TAS2R1: variants seen among roughly 807,000 people sequenced by gnomAD.
TAS2R1 encodes taste 2 receptor member 1.
For missense variants in TAS2R1, 370 were observed against 353.4 expected (o/e 1.05, Z -0.38); for synonymous variants, 141 against 134.2 (o/e 1.05, Z -0.35).
chr5:9,653,293 C>T (rs563816770), intron 2 of TAS2R1, among the ~76,000 whole-genome samples: 3 of 152,036 alleles, frequency 2.0e-5, no homozygotes, highest in East Asian at 3.9e-4. Flanking sequence ...TTGTAGCATA[C>T]GTCAGAATTC....
the TAS2R1 span, among the ~76,000 whole-genome samples, chr5:9,871,489 A>G: frequency 6.6e-6 from 1 of 152,196 alleles, no homozygotes; most frequent in East Asian, 1.9e-4. Context: ...TCCAATTGTC[A>G]TCCCTGGACA....
chr5:9,895,529 G>A, the TAS2R1 span, among the ~76,000 whole-genome samples: 2 of 152,228 alleles, frequency 1.3e-5, no homozygotes, highest in Non-Finnish European at 2.9e-5. Context: ...CTGCAGAGGC[G>A]AGGCTTCCTT....
chr5:9,636,528 T>C (rs916436568), intron 2 of TAS2R1, among the ~76,000 whole-genome samples: 2 of 152,028 alleles, frequency 1.3e-5, no homozygotes, highest in African/African-American at 4.8e-5. Flanking sequence ...CTAGTGCTAT[T>C]AGTGGAGTAT....
the TAS2R1 span, among the ~76,000 whole-genome samples, chr5:9,898,112 T>C: frequency 7.9e-5 from 12 of 152,232 alleles, no homozygotes; most frequent in Admixed American, 3.3e-4. Context: ...CTTAGGTTAA[T>C]TAAGTGGGCT....
At chr5:9,781,941 T>C in the TAS2R1 span, among the ~76,000 whole-genome samples, 1 of 152,236 alleles carries the variant, frequency 6.6e-6, no homozygotes, top group Non-Finnish European at 1.5e-5. Flanking sequence ...TATTGTCTGG[T>C]CTTTCTTCCC....
chr5:9,848,991 G>A, the TAS2R1 span, among the ~76,000 whole-genome samples: 1 of 152,174 alleles, frequency 6.6e-6, no homozygotes, highest in Non-Finnish European at 1.5e-5. Flanking sequence ...ACTTCCATGA[G>A]AAGAATACGT....
At chr5:9,738,605 T>C in the TAS2R1 span, among the ~76,000 whole-genome samples, 13 of 152,232 alleles carry the variant, frequency 8.5e-5, no homozygotes, top group Admixed American at 4.6e-4. Context: ...TTTCTATTTT[T>C]GGGAGGCCCT....
At chr5:9,699,547 G>A (rs903743371) in intron 1 of TAS2R1, among the ~76,000 whole-genome samples, 6 of 152,096 alleles carry the variant, frequency 3.9e-5, no homozygotes, top group African/African-American at 1.4e-4. Context: ...CATGGTCTCA[G>A]GGATTCTGTG....
the TAS2R1 span, among the ~76,000 whole-genome samples, chr5:9,767,923 C>CA: frequency 0.39 from 37,097 of 96,198 alleles, 8,357 homozygotes; most frequent in African/African-American, 0.52. Flanking sequence ...GACTCCGTCT[C>CA]AAAAAAAAAA....
chr5:9,652,806 T>G (rs1740332800), intron 2 of TAS2R1, among the ~76,000 whole-genome samples: 1 of 152,180 alleles, frequency 6.6e-6, no homozygotes, highest in African/African-American at 2.4e-5. Context: ...CTCATTTGAG[T>G]GAGTGCAAAT....
At chr5:9,699,398 G>A (rs531129981) in intron 1 of TAS2R1, among the ~76,000 whole-genome samples, 2 of 152,262 alleles carry the variant, frequency 1.3e-5, no homozygotes, top group African/African-American at 2.4e-5. Context: ...TTCGAAGGAC[G>A]ATTTATTCTT....
intron 1 of TAS2R1, among the ~76,000 whole-genome samples, chr5:9,682,584 G>A (rs1190227746): frequency 6.6e-6 from 1 of 152,190 alleles, no homozygotes; most frequent in Non-Finnish European, 1.5e-5. Context: ...GAAAAAAGGA[G>A]TGAGGAGGAA....
At chr5:9,839,877 T>C in the TAS2R1 span, among the ~76,000 whole-genome samples, 3 of 152,180 alleles carry the variant, frequency 2.0e-5, no homozygotes, top group African/African-American at 7.2e-5. Flanking sequence ...TAATACAGAA[T>C]ACTTAATGTA....
At chr5:9,806,395 C>A in the TAS2R1 span, among the ~76,000 whole-genome samples, 1 of 151,990 alleles carries the variant, frequency 6.6e-6, no homozygotes, top group Non-Finnish European at 1.5e-5. Flanking sequence ...CTAGAAAAAA[C>A]AATCCTAAAA....
chr5:9,879,415 G>A, the TAS2R1 span, among the ~76,000 whole-genome samples: 25 of 152,312 alleles, frequency 1.6e-4, 1 homozygote, highest in South Asian at 5.0e-3. Flanking sequence ...CATGGAGGTG[G>A]TGAGGGACAT....
intron 2 of TAS2R1, among the ~76,000 whole-genome samples, chr5:9,653,275 C>T (rs1740343796): frequency 6.6e-6 from 1 of 152,186 alleles, no homozygotes; most frequent in African/African-American, 2.4e-5. Context: ...TCCTTTTTAT[C>T]ACCCACGTTG....
chr5:9,677,055 C>T (rs552388577), intron 1 of TAS2R1, among the ~76,000 whole-genome samples: 282 of 152,246 alleles, frequency 1.9e-3, no homozygotes, highest in Non-Finnish European at 3.0e-3. Context: ...TAGATACACA[C>T]AATGGAATAC....
chr5:9,716,545 T>TTATATATATA (rs5865851), upstream of TAS2R1, among the ~76,000 whole-genome samples: 22 of 148,514 alleles, frequency 1.5e-4, no homozygotes, highest in African/African-American at 5.2e-4. Flanking sequence ...AGTACATATA[T>TTATATATATA]TATATATATA....
At chr5:9,705,375 C>T (rs1240485277) in intron 1 of TAS2R1, among the ~76,000 whole-genome samples, 2 of 152,046 alleles carry the variant, frequency 1.3e-5, no homozygotes, top group African/African-American at 4.8e-5. Flanking sequence ...TATTGCTTTC[C>T]TAATAACTAA....
Sources: allele counts gnomAD v4.1 joint callset (sites outside exome capture counted in the v4.1 genomes callset), GRCh38; gene constraint gnomAD v4.1.1; transcripts MANE v1.5; gene names NCBI Gene and HGNC (gene_info 2026-07-23, HGNC 2026-07-21).